The following CCNC variants were observed in gnomAD, a reference collection of about 807,000 sequenced individuals.
CCNC encodes cyclin-C.
CCNC carries 19 observed loss-of-function variants against 50.0 expected under a neutral mutation model. The observed-to-expected ratio is 0.38, with a 90% CI of 0.27 to 0.56. The LOEUF is 0.56. Ranked by LOEUF, CCNC falls within the 20% of genes least tolerant of loss-of-function variation. The pLI, the probability that CCNC is intolerant of heterozygous loss-of-function variation, is 0.72. For missense variants in CCNC, 200 were observed against 327.1 expected (o/e 0.61, Z 3.00); for synonymous variants, 93 against 103.7 (o/e 0.90, Z 0.63).
At chr6:99,558,885 T>C (rs1289238267) in intron 4 of CCNC, among the ~76,000 whole-genome samples, 1 of 152,192 alleles carries the variant, frequency 6.6e-6, no homozygotes, top group Non-Finnish European at 1.5e-5. Context: ...ATTTTCAGAT[T>C]ACGGATATTC....
rs371612636 is a variant in CCNC at position 99,568,537 on chromosome 6, C to T, written c.-10G>A. On this transcript the variant is annotated 5_prime_UTR_variant, in exon 1 of 12. Coordinates refer to ENST00000520429, the MANE Select transcript of CCNC (RefSeq NM_005190.4). Reference sequence around the variant, plus strand: ...AAAAGTTCCCTGCCATGGAACACAGCTTGCCCTGATAAAAAAGCACCAGCC... The same window carrying T: ...AAAAGTTCCCTGCCATGGAACACAGTTTGCCCTGATAAAAAAGCACCAGCC... 3.6e-5 allele frequency: 58 copies of T among 1,611,880 alleles called. No homozygotes were observed. The highest frequency in any genetic ancestry group is 4.7e-5 in the Non-Finnish European group (56 of 1,179,084).
At chr6:99,560,268 T>C (rs1265631123) in intron 4 of CCNC, among the ~76,000 whole-genome samples, 1 of 152,188 alleles carries the variant, frequency 6.6e-6, no homozygotes, top group Non-Finnish European at 1.5e-5. Flanking sequence ...ATAGAATTAT[T>C]AGAATTAGAA....
At chr6:99,545,492 G>T (rs1362761504) in intron 10 of CCNC, among the ~76,000 whole-genome samples, 1 of 152,080 alleles carries the variant, frequency 6.6e-6, no homozygotes. Context: ...CTTTTAAACT[G>T]AAACATACTA....
intron 1 of CCNC, chr6:99,566,854 A>G (rs772721462): frequency 3.1e-5 from 13 of 417,628 alleles, no homozygotes; most frequent in Non-Finnish European, 5.2e-5. Context: ...GAAGCATGAA[A>G]TATAGCATAT....
At chr6:99,566,675 A>G (rs1438830673) in intron 1 of CCNC, among the ~76,000 whole-genome samples, 1 of 152,166 alleles carries the variant, frequency 6.6e-6, no homozygotes, top group African/African-American at 2.4e-5. Context: ...CAAACATTTT[A>G]TGAGTTTTCC....
chr6:99,543,820 A>G, intron 11 of CCNC: 1 of 1,377,372 alleles, frequency 7.3e-7, no homozygotes, highest in Non-Finnish European at 9.4e-7. Context: ...TTGTGCCCTC[A>G]CATATAACAA....
intron 9 of CCNC, 186 bp downstream of exon 9, chr6:99,549,322 G>C (rs1240963360): frequency 3.0e-6 from 2 of 656,324 alleles, no homozygotes; most frequent in Non-Finnish European, 5.4e-6. Flanking sequence ...CAAAAAGGGG[G>C]TGGGGGAATA....
At chr6:99,558,750 A>T (rs1802651584) in intron 4 of CCNC, among the ~76,000 whole-genome samples, 1 of 152,160 alleles carries the variant, frequency 6.6e-6, no homozygotes, top group Admixed American at 6.5e-5. Context: ...CTGATTTAGG[A>T]ATATTTTGCA....
At chr6:99,556,951 A>G (rs965321399) in intron 5 of CCNC, among the ~76,000 whole-genome samples, 1 of 152,226 alleles carries the variant, frequency 6.6e-6, no homozygotes, top group Non-Finnish European at 1.5e-5. Flanking sequence ...TGTCAATAGA[A>G]CAAAGTGCAG....
rs3838480 is a variant in CCNC, at chr6:99,567,428, T to TACAC, written c.32+1064_32+1067dup. On this transcript the variant is annotated intron_variant, in intron 1 of 11. Transcript: ENST00000520429. ...ATACATACACACACACACATATATATACACACACACACATATGATCAGTGG... is the reference window on the plus strand; with the variant it reads ...ATACATACACACACACACATATATATACACACACACACACACATATGATCAGTGG... Among the ~76,000 whole-genome samples the TACAC allele has an allele frequency of 5.2e-4, 79 of 151,368 alleles. 2 individuals are homozygous for TACAC. In the East Asian group the frequency reaches 8.7e-3, roughly 17 times the overall value.
At chr6:99,563,636 G>C (rs330867) in intron 1 of CCNC, among the ~76,000 whole-genome samples, 59,170 of 151,868 alleles carry the variant, frequency 0.39, 11,667 homozygotes, top group East Asian at 0.53. Flanking sequence ...CTCTACTGAT[G>C]GAAATACAGG....
intron 11 of CCNC, 89 bp downstream of exon 11, chr6:99,545,023 T>A (rs1279999804): frequency 7.6e-6 from 5 of 660,090 alleles, no homozygotes; most frequent in Admixed American, 2.6e-5. Context: ...AGAAATGTTT[T>A]AAAAACTACA....
intron 5 of CCNC, chr6:99,558,182 A>G (rs1802620487): frequency 8.1e-6 from 3 of 369,710 alleles, no homozygotes; most frequent in South Asian, 9.0e-5. Flanking sequence ...TCATTAGAAA[A>G]CAATAAAATA....
intron 7 of CCNC, 140 bp downstream of exon 7, chr6:99,550,837 CTAGGTGCTAATATAAA>C (rs1199603131): frequency 2.9e-6 from 1 of 347,718 alleles, no homozygotes; most frequent in Non-Finnish European, 5.3e-6. Context: ...CAGAGAGACT[CTAGGTGCTAATATAAA>C]TAGGCTACCA....
intron 8 of CCNC, 36 bp downstream of exon 8, chr6:99,550,182 A>C (rs767677422): frequency 7.2e-7 from 1 of 1,380,000 alleles, no homozygotes; most frequent in Non-Finnish European, 1.0e-6. Flanking sequence ...CTATCTAATA[A>C]CATGTTACAC....
At chr6:99,562,705 A>G (rs1298047751) in intron 2 of CCNC, 137 bp downstream of exon 2, 3 of 568,782 alleles carry the variant, frequency 5.3e-6, no homozygotes, top group Non-Finnish European at 6.1e-6. Context: ...AGATAAATGA[A>G]TATGTTGTAA....
chr6:99,546,369 A>C, intron 10 of CCNC, 26 bp downstream of exon 10: 1 of 1,482,282 alleles, frequency 6.7e-7, no homozygotes, highest in Non-Finnish European at 9.4e-7. Flanking sequence ...TTAAACATCC[A>C]AGTTTACATA....
At chr6:99,562,568 A>G (rs1305833780) in intron 2 of CCNC, 3 of 275,754 alleles carry the variant, frequency 1.1e-5, no homozygotes, top group Non-Finnish European at 2.0e-5. Flanking sequence ...GCTTTAGCCA[A>G]CCTTGAACTG....
intron 5 of CCNC, 39 bp from the exon 6 acceptor site, chr6:99,551,934 G>T: frequency 7.7e-7 from 1 of 1,296,222 alleles, no homozygotes; most frequent in Admixed American, 2.9e-5. Context: ...TGAGAAAATG[G>T]GAAATAAATT....
Sources: gnomAD v4.1 joint callset for allele counts (sites outside exome capture counted in the v4.1 genomes callset) on GRCh38, gnomAD v4.1.1 for gene constraint, MANE v1.5 for transcripts, NCBI Gene and HGNC (gene_info 2026-07-23, HGNC 2026-07-21) for gene names.